CSMD1: variants seen among roughly 807,000 people sequenced by gnomAD.
CSMD1 encodes CUB and sushi domain-containing protein 1.
In CSMD1, 213 loss-of-function variants were observed where a neutral mutation model predicts 417.5. The ratio of observed to expected loss-of-function variants is 0.51; its 90% confidence interval spans 0.46 to 0.57. The LOEUF is 0.57. CSMD1 is among the 20% of genes least tolerant of loss of function. CSMD1 has a pLI of 0.00. For synonymous variants in CSMD1, 2,862 were observed against 1,736.8 expected (o/e 1.65, Z -16.11); for missense variants, 6,923 against 4,529.7 (o/e 1.53, Z -15.17).
intron 1 of CSMD1, among the ~76,000 whole-genome samples, chr8:4,776,866 G>A (rs1306121565): frequency 6.6e-6 from 1 of 152,114 alleles, no homozygotes. Flanking sequence ...TTATTTTACT[G>A]TTTTCTGCTT....
chr8:3,937,768 T>C (rs1810607475), intron 5 of CSMD1, among the ~76,000 whole-genome samples: 1 of 152,136 alleles, frequency 6.6e-6, no homozygotes, highest in African/African-American at 2.4e-5. Context: ...GTAATATATT[T>C]TTCTGTCATG....
intron 1 of CSMD1, among the ~76,000 whole-genome samples, chr8:4,907,457 T>C (rs371714917): frequency 6.6e-5 from 10 of 152,316 alleles, no homozygotes; most frequent in African/African-American, 1.9e-4. Context: ...CCTCAGCATC[T>C]GTACCTTTAA....
chr8:3,504,751 T>G (rs1796752742), intron 10 of CSMD1, among the ~76,000 whole-genome samples: 1 of 152,186 alleles, frequency 6.6e-6, no homozygotes, highest in Non-Finnish European at 1.5e-5. Context: ...TTTGCTTCTC[T>G]TAAGTGTGGT....
chr8:3,008,715 C>A (rs1585139990), intron 52 of CSMD1, among the ~76,000 whole-genome samples: 1 of 152,120 alleles, frequency 6.6e-6, no homozygotes, highest in Non-Finnish European at 1.5e-5. Context: ...CAGGATTTGG[C>A]TTTGTTTAGC....
At chr8:3,901,107 G>A (rs1807719827) in intron 5 of CSMD1, among the ~76,000 whole-genome samples, 4 of 152,166 alleles carry the variant, frequency 2.6e-5, no homozygotes, top group Admixed American at 2.0e-4. Context: ...GTTAATGTGT[G>A]TATACTTTTG....
At chr8:3,390,651 C>A (rs1811295240) in intron 17 of CSMD1, among the ~76,000 whole-genome samples, 1 of 150,390 alleles carries the variant, frequency 6.6e-6, no homozygotes, top group South Asian at 2.2e-4. Context: ...TAGTTACAAA[C>A]ATTACTTTTT....
chr8:4,942,232 T>C (rs1461326300), intron 1 of CSMD1, among the ~76,000 whole-genome samples: 1 of 152,188 alleles, frequency 6.6e-6, no homozygotes, highest in Admixed American at 6.5e-5. Flanking sequence ...GGCTTCACTC[T>C]TATTTTTTCC....
intron 5 of CSMD1, among the ~76,000 whole-genome samples, chr8:3,773,518 C>T (rs1430191711): frequency 6.6e-6 from 1 of 152,130 alleles, no homozygotes; most frequent in East Asian, 1.9e-4. Context: ...AACTCCTGGA[C>T]TCAAGTGATC....
At chr8:4,900,931 G>C (rs141284973) in intron 1 of CSMD1, among the ~76,000 whole-genome samples, 25 of 152,300 alleles carry the variant, frequency 1.6e-4, no homozygotes, top group African/African-American at 5.8e-4. Context: ...TGCATCCTAA[G>C]TGCCCAGCAC....
At chr8:3,595,415 C>T (rs999986200) in intron 8 of CSMD1, among the ~76,000 whole-genome samples, 3 of 152,090 alleles carry the variant, frequency 2.0e-5, no homozygotes, top group African/African-American at 7.2e-5. Flanking sequence ...TTCATAGCGG[C>T]AATTTTTAGA....
Position 3,821,247 on chromosome 8 carries a change from G to C in CSMD1, c.819-67205C>G, listed in dbSNP as rs542513994. Among the ~76,000 whole-genome samples the C allele has an allele frequency of 1.1e-4, 17 of 152,188 alleles. No individual in the cohort carries two copies. The East Asian group carries it at 1.2e-3, about 10-fold the overall frequency. On this transcript the variant is annotated intron_variant, in intron 5 of 69. Coordinates refer to ENST00000635120, the MANE Select transcript of CSMD1 (RefSeq NM_033225.6). Reference sequence around the variant, plus strand: ...GTTAACTTTTTTAAAAGTAGAATGAGTACACACTAAAATAACAATCAAAAG... The same window carrying C: ...GTTAACTTTTTTAAAAGTAGAATGACTACACACTAAAATAACAATCAAAAG...
chr8:3,948,302 T>C (rs1811371285), intron 5 of CSMD1, among the ~76,000 whole-genome samples: 1 of 152,184 alleles, frequency 6.6e-6, no homozygotes, highest in Non-Finnish European at 1.5e-5. Context: ...CATGTTAGTC[T>C]GCATTTGAAG....
chr8:3,998,534 G>T (rs915638716), intron 4 of CSMD1, among the ~76,000 whole-genome samples: 1 of 152,196 alleles, frequency 6.6e-6, no homozygotes, highest in Non-Finnish European at 1.5e-5. Context: ...GCTCTTAAAA[G>T]AAATGGTTGT....
rs866700061 is a variant in CSMD1 at position 4,022,884 on chromosome 8, A to G, written c.610+9021T>C. Among the ~76,000 whole-genome samples, 6 of 152,360 alleles carry G rather than the reference A, an allele frequency of 3.9e-5. No homozygotes were observed. In the South Asian group the frequency reaches 6.2e-4, roughly 16 times the overall value. On this transcript the variant is annotated intron_variant, in intron 4 of 69. Transcript: ENST00000635120. ...AAGAATTCACATAGTTAAGAAGCAG[A>G]AAATACATGGATTATTGTGATGAAA...
chr8:3,679,411 A>G (rs7834430), intron 7 of CSMD1, among the ~76,000 whole-genome samples: 71,938 of 151,996 alleles, frequency 0.47, 17,723 homozygotes, highest in African/African-American at 0.59. Flanking sequence ...GGGACTTTAA[A>G]CCAACAAAGA....
intron 2 of CSMD1, among the ~76,000 whole-genome samples, chr8:4,509,457 G>A (rs1373039000): frequency 1.3e-5 from 2 of 152,258 alleles, no homozygotes; most frequent in East Asian, 1.9e-4. Context: ...CTGTGTTCCA[G>A]CAAGAGCAGT....
chr8:4,287,764 G>A (rs919559695), intron 3 of CSMD1, among the ~76,000 whole-genome samples: 18 of 151,794 alleles, frequency 1.2e-4, no homozygotes, highest in South Asian at 1.0e-3. Flanking sequence ...AAGTGGACCC[G>A]GTCGGTTGAG....
At chr8:3,755,403 C>G (rs753163440) in intron 5 of CSMD1, among the ~76,000 whole-genome samples, 1 of 152,182 alleles carries the variant, frequency 6.6e-6, no homozygotes, top group Non-Finnish European at 1.5e-5. Flanking sequence ...TGGTTGTGCA[C>G]TGAATAATTA....
intron 3 of CSMD1, among the ~76,000 whole-genome samples, chr8:4,318,433 G>A (rs1338195735): frequency 6.6e-6 from 1 of 151,968 alleles, no homozygotes; most frequent in East Asian, 1.9e-4. Context: ...GAGTAATATT[G>A]TGAAAATTAC....
Sources: allele counts gnomAD v4.1 joint callset (sites outside exome capture counted in the v4.1 genomes callset), GRCh38; gene constraint gnomAD v4.1.1; transcripts MANE v1.5; gene names NCBI Gene and HGNC (gene_info 2026-07-23, HGNC 2026-07-21).